The following SHF variants were observed in gnomAD, a reference collection of about 807,000 sequenced individuals.
SHF encodes SH2 domain-containing adapter protein F.
Under a neutral mutation model 42.4 loss-of-function variants are expected in SHF, and 30 were observed. The observed-to-expected ratio is 0.71, with a 90% CI of 0.53 to 0.96. SHF has a LOEUF of 0.96. Among genes scored for constraint, SHF ranks in the 40% least tolerant of loss-of-function variants. SHF has a pLI of 0.00. For synonymous variants in SHF, 264 were observed against 269.9 expected, an observed-to-expected ratio of 0.98 and a Z score of 0.21; for missense variants, 598 against 634.0, an observed-to-expected ratio of 0.94 and a Z score of 0.61.
chr15:45,192,416 G>A (rs1898734835), upstream of SHF, among the ~76,000 whole-genome samples: 1 of 131,462 alleles, frequency 7.6e-6, no homozygotes, highest in South Asian at 2.3e-4. Flanking sequence ...CATCCAGGCT[G>A]GAGTGCAGTG....
At chr15:45,194,280 C>A (rs1227759868) in intron 2 of SHF, among the ~76,000 whole-genome samples, 1 of 151,798 alleles carries the variant, frequency 6.6e-6, no homozygotes, top group African/African-American at 2.4e-5. Flanking sequence ...TATTATTATT[C>A]TTTTTGATGC....
Position 45,168,000 on chromosome 15 carries a change from T to C in SHF, c.1414A>G (p.Lys472Glu), listed in dbSNP as rs924540806. The C allele has an allele frequency of 6.2e-7, 1 of 1,613,440 alleles. No homozygotes were observed. Among genetic ancestry groups the C allele is most frequent in the Admixed American group, 1.7e-5 (1 of 59,992 alleles). Residue 472 changes from lysine to glutamate, a missense_variant, in exon 7 of 7, where the codon AAG becomes GAG. This residue lies in a region of SHF where 439 missense variants were observed against 524.6 expected (regional missense o/e 0.84). Transcript: ENST00000690270. ...HHYASRKLPI[K>E]GAEHMSLLYP... Reference sequence around the variant, plus strand: ...AGCAGGGACATGTGTTCGGCTCCCTTAATGGGTAGCTTGCGGCTGGCATAG... The same window carrying C: ...AGCAGGGACATGTGTTCGGCTCCCTCAATGGGTAGCTTGCGGCTGGCATAG...
At chr15:45,198,344 A>G (rs1300566639) in intron 2 of SHF, among the ~76,000 whole-genome samples, 2 of 152,154 alleles carry the variant, frequency 1.3e-5, no homozygotes, top group Non-Finnish European at 2.9e-5. Flanking sequence ...GAAAAAAATC[A>G]CAGGGTCATA....
intron 1 of SHF, among the ~76,000 whole-genome samples, chr15:45,180,845 T>C (rs8041776): frequency 0.028 from 4,329 of 152,318 alleles, 208 homozygotes; most frequent in African/African-American, 0.098. Flanking sequence ...TTCCTGACAG[T>C]GTTAACTCCA....
chr15:45,197,827 G>GAAAAAAAA (rs59128375), intron 2 of SHF, among the ~76,000 whole-genome samples: 1 of 133,630 alleles, frequency 7.5e-6, no homozygotes, highest in Non-Finnish European at 1.6e-5. Context: ...ATCACCTCAG[G>GAAAAAAAA]AAAAAAAAAA....
At chr15:45,184,250 C>T (rs1240530887) in intron 1 of SHF, among the ~76,000 whole-genome samples, 1 of 152,190 alleles carries the variant, frequency 6.6e-6, no homozygotes, top group African/African-American at 2.4e-5. Flanking sequence ...TTTAGATGCC[C>T]TGACTGTATC....
chr15:45,170,557 C>T lies in SHF; in HGVS notation c.1280+1326G>A, dbSNP rs770585884. 2.0e-4 allele frequency: 136 copies of T among 689,114 alleles called. 1 individual carries two copies. The highest frequency in any genetic ancestry group is 2.8e-4 in the Non-Finnish European group (132 of 470,914). The allele number at this position is 689,114 out of a possible 1,614,324, so 42.7% of individuals were successfully genotyped here. A position where few individuals can be genotyped will look rare whatever the true frequency, so the allele number is the denominator to read the frequency against. ...GAGGCTCGGAGATATTAAGTGATTT[C>T]CCTAGGATCACATAGCTAGTGTATC... On this transcript the variant is annotated intron_variant, in intron 6 of 6. Coordinates refer to ENST00000690270, the MANE Select transcript of SHF (RefSeq NM_001394037.1).
intron 2 of SHF, among the ~76,000 whole-genome samples, chr15:45,195,629 C>G (rs1165350352): frequency 6.6e-6 from 1 of 152,162 alleles, no homozygotes; most frequent in East Asian, 1.9e-4. Context: ...CAGAGCTAAC[C>G]CATAGGCAGT....
At chr15:45,200,607 A>C (rs1000679452) in intron 1 of SHF, 6 of 404,550 alleles carry the variant, frequency 1.5e-5, no homozygotes, top group Non-Finnish European at 3.0e-5. Context: ...CCTCGCAGCC[A>C]TCTGAGGGCA....
At chr15:45,169,278 A>G (rs141501138) in intron 6 of SHF, among the ~76,000 whole-genome samples, 48 of 152,320 alleles carry the variant, frequency 3.2e-4, no homozygotes, top group African/African-American at 1.1e-3. Flanking sequence ...CAAGCGAGAA[A>G]TCAGAGTGGG....
upstream of SHF, chr15:45,187,979 C>G (rs773178328): frequency 1.1e-3 from 1,147 of 1,054,760 alleles, 11 homozygotes; most frequent in African/African-American, 0.019. Flanking sequence ...GCGAGGGGAG[C>G]GCAGCGGCGG....
At chr15:45,180,560 T>G (rs2141385263) in intron 1 of SHF, among the ~76,000 whole-genome samples, 1 of 152,366 alleles carries the variant, frequency 6.6e-6, no homozygotes, top group Non-Finnish European at 1.5e-5. Flanking sequence ...CCTCTTTAGT[T>G]TCTCTCTACT....
intron 2 of SHF, among the ~76,000 whole-genome samples, chr15:45,194,837 ATTTTATT>A (rs968950211): frequency 9.2e-5 from 14 of 152,010 alleles, no homozygotes; most frequent in African/African-American, 3.1e-4. Flanking sequence ...TTGTAATTTC[ATTTTATT>A]TTTGAGACAG....
rs757785366 is a variant in SHF, at chr15:45,172,168, G to A, written c.1139C>T (p.Ala380Val). 2 of 1,613,916 alleles carry A rather than the reference G, an allele frequency of 1.2e-6. No individual in the cohort carries two copies. Among genetic ancestry groups the A allele is most frequent in the South Asian group, 2.2e-5 (2 of 91,084 alleles). ...TCACACCTGGTTTTCCAGAGGCAGT[G>A]CTGGATCTGTCCACTCCCCCAGGGG... ...SSPLGEWTDP[A>V]LPLENQVWYH... Residue 380 changes from alanine (A) to valine (V), a missense_variant, in exon 5 of 7, where the codon GCA becomes GTA. Coordinates refer to ENST00000690270, the MANE Select transcript of SHF (RefSeq NM_001394037.1).
upstream of SHF, among the ~76,000 whole-genome samples, chr15:45,189,809 C>T (rs1204895438): frequency 2.0e-5 from 3 of 152,108 alleles, no homozygotes; most frequent in African/African-American, 2.4e-5. Context: ...CCCAGGGCCC[C>T]GAGTCTCAAA....
intron 2 of SHF, among the ~76,000 whole-genome samples, chr15:45,198,294 T>C (rs1420969170): frequency 6.6e-6 from 1 of 151,150 alleles, no homozygotes; most frequent in Non-Finnish European, 1.5e-5. Context: ...TAAGTAAAAA[T>C]AAAAATAAAT....
At chr15:45,174,755 C>T (rs1288537909) in intron 3 of SHF, among the ~76,000 whole-genome samples, 1 of 152,122 alleles carries the variant, frequency 6.6e-6, no homozygotes, top group Non-Finnish European at 1.5e-5. Flanking sequence ...CAGAAATCTC[C>T]TTGGGGCCAG....
At chr15:45,188,920 C>T (rs1416318231), upstream of SHF, among the ~76,000 whole-genome samples, 2 of 152,110 alleles carry the variant, frequency 1.3e-5, no homozygotes, top group African/African-American at 4.8e-5. Flanking sequence ...CGGCTGGGCG[C>T]GGTGGCTCAC....
At chr15:45,174,937 C>T (rs1897717957) in intron 3 of SHF, among the ~76,000 whole-genome samples, 1 of 151,986 alleles carries the variant, frequency 6.6e-6, no homozygotes, top group South Asian at 2.1e-4. Context: ...TTAAATATAC[C>T]CAGTCCCCAA....
Sources: allele counts gnomAD v4.1 joint callset (sites outside exome capture counted in the v4.1 genomes callset), GRCh38; gene constraint gnomAD v4.1.1; regional missense constraint gnomAD v4.1.1; transcripts MANE v1.5; gene names NCBI Gene and HGNC (gene_info 2026-07-23, HGNC 2026-07-21).